The following ACSBG2 variants were observed in gnomAD, a reference collection of about 807,000 sequenced individuals.
ACSBG2 encodes long-chain-fatty-acid--CoA ligase ACSBG2.
Under a neutral mutation model 74.7 loss-of-function variants are expected in ACSBG2, and 62 were observed. The ratio of observed to expected loss-of-function variants is 0.83; its 90% CI spans 0.68 to 1.03. ACSBG2 has a LOEUF of 1.03. Ranked by LOEUF, ACSBG2 falls within the 50% of genes least tolerant of loss-of-function variation. The probability of loss-of-function intolerance (pLI) is 0.00; values close to 1 mark genes in which losing one functional copy is unlikely to be tolerated. For missense variants in ACSBG2, 730 were observed against 817.6 expected, an observed-to-expected ratio of 0.89 and a Z score of 1.31; for synonymous variants, 309 against 294.1, an observed-to-expected ratio of 1.05 and a Z score of -0.52.
chr19:6,164,635 G>T (rs2089738873), intron 6 of ACSBG2, among the ~76,000 whole-genome samples: 1 of 152,126 alleles, frequency 6.6e-6, no homozygotes, highest in Non-Finnish European at 1.5e-5. Context: ...GTTTCACCAT[G>T]CTGGCCATGT....
intron 11 of ACSBG2, among the ~76,000 whole-genome samples, chr19:6,186,866 G>C (rs151248691): frequency 6.6e-6 from 1 of 152,010 alleles, no homozygotes; most frequent in Non-Finnish European, 1.5e-5. Flanking sequence ...CACCACACCC[G>C]GCTATTTTTT....
intron 8 of ACSBG2, among the ~76,000 whole-genome samples, chr19:6,177,725 A>G (rs1227980744): frequency 1.1e-5 from 1 of 89,346 alleles, no homozygotes; most frequent in Non-Finnish European, 2.1e-5. Context: ...AAAACACCTG[A>G]CCAAATAAAA....
chr19:6,165,927 A>T lies in ACSBG2; in HGVS notation c.650A>T (p.Glu217Val). ...GACACCCAACTGGAGCAGGTCATCG[A>T]GAGCCAGAAGGCGAATCAATGCGCA... The part of the protein sequence containing the change: ...IPDTQLEQVI[E>V]SQKANQCAVL... Residue 217 changes from glutamate (E) to valine (V), a missense_variant, in exon 7 of 15, where the codon GAG (glutamate) becomes GTG (valine). Glu to Val is a moderately radical substitution (Grantham distance 121). Transcript: ENST00000588485. 1 of 1,614,198 alleles carries T rather than the reference A, an allele frequency of 6.2e-7. No homozygotes were observed.
intron 6 of ACSBG2, among the ~76,000 whole-genome samples, chr19:6,164,660 T>G (rs756318096): frequency 5.3e-5 from 8 of 152,330 alleles, no homozygotes; most frequent in Non-Finnish European, 1.0e-4. Context: ...CTTGAACTCC[T>G]GACCTCGTGA....
At chr19:6,154,327 C>T (rs977935612) in intron 4 of ACSBG2, among the ~76,000 whole-genome samples, 4 of 149,054 alleles carry the variant, frequency 2.7e-5, no homozygotes, top group South Asian at 2.1e-4. Flanking sequence ...GAACCCGGGA[C>T]GCAGAGGTTG....
chr19:6,138,674 ACGG>A (rs74833622), intron 1 of ACSBG2, among the ~76,000 whole-genome samples: 39,802 of 82,834 alleles, frequency 0.48, 8,606 homozygotes, highest in East Asian at 0.53. Flanking sequence ...AAAGGCAGGG[ACGG>A]AGGGAGGAAG....
intron 1 of ACSBG2, among the ~76,000 whole-genome samples, chr19:6,138,931 T>C (rs61594329): frequency 0.022 from 3,403 of 152,172 alleles, 132 homozygotes; most frequent in African/African-American, 0.078. Flanking sequence ...TCATTTCTTC[T>C]TGGGCCGCAC....
At chr19:6,177,660 C>T (rs1005302277) in intron 8 of ACSBG2, among the ~76,000 whole-genome samples, 2 of 151,878 alleles carry the variant, frequency 1.3e-5, no homozygotes, top group African/African-American at 2.4e-5. Flanking sequence ...AGCAAGATGG[C>T]GAAACCCTAT....
chr19:6,177,501 G>T, intron 8 of ACSBG2, 105 bp downstream of exon 8: 1 of 1,235,116 alleles, frequency 8.1e-7, no homozygotes, highest in Non-Finnish European at 1.1e-6. Flanking sequence ...GAAGCCCCAT[G>T]TCTAACGGTT....
Position 6,187,341 on chromosome 19 carries a change from TAAG to T in ACSBG2, c.1607_1609del (p.Lys536del), listed in dbSNP as rs755440815. 5.6e-6 allele frequency: 9 copies of T among 1,614,142 alleles called. No homozygotes were observed. The highest frequency in any genetic ancestry group is 4.0e-5 in the African/African-American group (3 of 75,030). Reference sequence around the variant, plus strand: ...CCCCCATTCCTGTTGAGACCTTGGTTAAGAAGAAGATCCCCATCATCAGTAACG... The same window carrying T: ...CCCCCATTCCTGTTGAGACCTTGGTTAAGAAGATCCCCATCATCAGTAACG... On this transcript the variant is annotated inframe_deletion, in exon 12 of 15. Transcript: ENST00000588485.
In ACSBG2 at chr19:6,156,465, G is replaced by A; in HGVS notation, c.421G>A (p.Ala141Thr). 2 of 1,597,768 alleles carry A rather than the reference G, an allele frequency of 1.3e-6. No homozygotes were observed. Among genetic ancestry groups the A allele is most frequent in the South Asian group, 1.1e-5 (1 of 88,006 alleles). The change falls in exon 5 of 15, where the codon GCC (alanine) becomes ACC (threonine). Residue 141 changes from alanine (A) to threonine (T), a missense_variant. By Grantham distance (58) the Ala-to-Thr change is moderately conservative (BLOSUM62 0). Transcript: ENST00000588485. ...TGTTGGTATTTATGCCACCAACTCT[G>A]CCGAGGTTTGTCAATATGTCATCAC... ...LCVGIYATNS[A>T]EVCQYVITHA...
chr19:6,141,768 C>G (rs1210869903), intron 2 of ACSBG2, among the ~76,000 whole-genome samples, 158 bp downstream of exon 2: 1 of 151,260 alleles, frequency 6.6e-6, no homozygotes, highest in Non-Finnish European at 1.5e-5. Flanking sequence ...GGGTCTTGCT[C>G]TGTCACCCAG....
At chr19:6,149,844 G>A (rs1187981765) in intron 3 of ACSBG2, among the ~76,000 whole-genome samples, 1 of 143,336 alleles carries the variant, frequency 7.0e-6, no homozygotes. Context: ...CCAAAGTGCT[G>A]GGATTACAGG....
In ACSBG2 at chr19:6,185,625, T is replaced by C. The variant is rs1600132803; in HGVS notation, c.1512T>C (p.Gly504=). The change falls in exon 11 of 15, where the codon GGT becomes GGC. Residue 504 remains glycine (G), a synonymous_variant. Coordinates refer to ENST00000588485, the MANE Select transcript of ACSBG2 (RefSeq NM_030924.5). ...SGDLGQLDGL[G]FLYVTGHIKE... Reference sequence around the variant, plus strand: ...ATCTGGGCCAGCTGGACGGTCTGGGTTTCCTCTATGTCACCGGCCACATCA... The same window carrying C: ...ATCTGGGCCAGCTGGACGGTCTGGGCTTCCTCTATGTCACCGGCCACATCA... 1 of 1,613,988 alleles carries C rather than the reference T, an allele frequency of 6.2e-7. No individual in the cohort carries two copies. The highest frequency in any genetic ancestry group is 2.2e-5 in the East Asian group (1 of 44,874).
chr19:6,152,712 A>G (rs2089282628), intron 4 of ACSBG2, among the ~76,000 whole-genome samples: 1 of 152,202 alleles, frequency 6.6e-6, no homozygotes, highest in South Asian at 2.1e-4. Flanking sequence ...ACATGAATAT[A>G]TTTTGGCTTA....
chr19:6,150,860 C>T (rs754109970), intron 3 of ACSBG2, among the ~76,000 whole-genome samples: 5 of 151,856 alleles, frequency 3.3e-5, no homozygotes, highest in East Asian at 1.9e-4. Flanking sequence ...GGATTACAGG[C>T]GTGAGCACTT....
intron 3 of ACSBG2, among the ~76,000 whole-genome samples, chr19:6,149,504 C>CTTTTT (rs556996493): frequency 1.6e-5 from 2 of 127,936 alleles, no homozygotes; most frequent in Admixed American, 7.9e-5. Flanking sequence ...ACATGTGCAA[C>CTTTTT]TTTTTTTTTT....
chr19:6,190,561 A>G lies in ACSBG2; in HGVS notation c.1928-23A>G, dbSNP rs368598122. On this transcript the variant is annotated intron_variant, in intron 13 of 14. Coordinates refer to ENST00000588485, the MANE Select transcript of ACSBG2 (RefSeq NM_030924.5). ...AATTTTCTTTTATCTCCACAACTCA[A>G]TTGATTTCTCCTTTCTCGATAGGTC... The G allele has an allele frequency of 1.1e-4, 178 of 1,607,448 alleles. 1 individual carries two copies. In the South Asian group the frequency reaches 1.5e-3, roughly 14 times the overall value.
Position 6,190,575 on chromosome 19 carries a change from T to C in ACSBG2, c.1928-9T>C. 1.2e-6 allele frequency: 2 copies of C among 1,612,894 alleles called. No homozygotes were observed. Among genetic ancestry groups the C allele is most frequent in the African/African-American group, 1.3e-5 (1 of 74,990 alleles). ...TCCACAACTCAATTGATTTCTCCTTTCTCGATAGGTCCAATGATGAAACTT... is the reference window on the plus strand; with the variant it reads ...TCCACAACTCAATTGATTTCTCCTTCCTCGATAGGTCCAATGATGAAACTT... On this transcript the variant is annotated splice_polypyrimidine_tract_variant and intron_variant, in intron 13 of 14. Coordinates refer to ENST00000588485, the MANE Select transcript of ACSBG2 (RefSeq NM_030924.5).
Sources: allele counts gnomAD v4.1 joint callset (sites outside exome capture counted in the v4.1 genomes callset), GRCh38; gene constraint gnomAD v4.1.1; transcripts MANE v1.5; gene names NCBI Gene and HGNC (gene_info 2026-07-23, HGNC 2026-07-21).